TRIM66: variants seen among roughly 807,000 people sequenced by gnomAD.
TRIM66 encodes the protein tripartite motif-containing protein 66.
TRIM66 carries 99 observed loss-of-function variants against 148.2 expected under a neutral mutation model. That is an observed-to-expected ratio of 0.67 (90% CI 0.57 to 0.79). TRIM66 has a LOEUF of 0.79. TRIM66 is among the 30% of genes least tolerant of loss of function. The pLI is 0.00. For synonymous variants in TRIM66, 616 were observed against 635.9 expected, an observed-to-expected ratio of 0.97 and a Z score of 0.47; for missense variants, 1,666 against 1,697.9, an observed-to-expected ratio of 0.98 and a Z score of 0.33.
At position 8,617,072 on chromosome 11, in the gene TRIM66, G is replaced by A. The variant is rs1438642912; in HGVS notation, c.*872C>T. On this transcript the variant is annotated 3_prime_UTR_variant, in exon 25 of 25. Transcript: ENST00000646038. ...CTCACGATCCATACCTCTGAATGAG[G>A]ATGATGAAGGGTATGGCCACTGACA... is the stretch of plus-strand genomic sequence containing the variant. 1 of 152,230 alleles carries A rather than the reference G, an allele frequency of 6.6e-6. No individual in the cohort carries two copies. The highest frequency in any genetic ancestry group is 1.5e-5 in the Non-Finnish European group (1 of 68,080). 9.4% of individuals were successfully genotyped at this position (152,230 alleles called of 1,614,324 possible). A position where few individuals can be genotyped will look rare whatever the true frequency, so the allele number is the denominator to read the frequency against.
chr11:8,646,152 T>C (rs1474746435), intron 11 of TRIM66, among the ~76,000 whole-genome samples: 2 of 152,148 alleles, frequency 1.3e-5, no homozygotes, highest in East Asian at 3.9e-4. Context: ...TGGGCATAAA[T>C]TGGTGAAGAA....
intron 6 of TRIM66, among the ~76,000 whole-genome samples, chr11:8,655,116 T>C (rs2037708969): frequency 6.6e-6 from 1 of 152,068 alleles, no homozygotes; most frequent in Non-Finnish European, 1.5e-5. Context: ...CACCTCAGCC[T>C]CCTAAAGTGC....
rs1409604508 is a variant in TRIM66, at chr11:8,621,765, G to C, written c.3135C>G (p.Ile1045Met). 8.4e-6 allele frequency: 13 copies of C among 1,551,200 alleles called. No homozygotes were observed. The highest frequency in any genetic ancestry group is 2.0e-5 in the Admixed American group (1 of 50,882). Residue 1045 changes from isoleucine to methionine, a missense_variant, in exon 19 of 25, where the codon ATC becomes ATG. Physicochemically the swap from Ile to Met is conservative, Grantham distance 10. This residue lies in a region of TRIM66 where 1,431 missense variants were observed against 1,412.4 expected (regional missense o/e 1.01). Coordinates refer to ENST00000646038, the MANE Select transcript of TRIM66 (RefSeq NM_001388022.1). Reference protein sequence around the residue: ...IPYVRLERLKICAASSGEMPV... With the variant: ...IPYVRLERLKMCAASSGEMPV... The stretch of plus-strand genomic sequence containing the variant: ...GCATCTCTCCTGAGGAGGCAGCACA[G>C]ATCTTGAGTCGCTCCAGTCGCACAT...
chr11:8,681,443 A>G (rs899484731), intron 1 of TRIM66, among the ~76,000 whole-genome samples: 2 of 152,142 alleles, frequency 1.3e-5, no homozygotes, highest in African/African-American at 4.8e-5. Context: ...AGAATTTTGG[A>G]TATTTTAGCT....
rs1174847058 is a variant in TRIM66 at position 8,640,340 on chromosome 11, GT to G, written c.2034del (p.Gln678HisfsTer2). On this transcript the variant is annotated frameshift_variant, in exon 14 of 25. Coordinates refer to ENST00000646038, the MANE Select transcript of TRIM66 (RefSeq NM_001388022.1). LOFTEE classifies it high-confidence loss of function. The part of the protein sequence containing the change: ...LLLQAQQPSL[Q>X]LSQTKSPQHL... ...TGCTGAGGAGATTTGGTCTGACTCA[GT>G]TGCAGGCTGGGCTGTTGAGCCTGGA... 1.3e-6 allele frequency: 2 copies of G among 1,551,696 alleles called. No homozygotes were observed. Among genetic ancestry groups the G allele is most frequent in the Non-Finnish European group, 1.7e-6 (2 of 1,147,046 alleles).
intron 1 of TRIM66, 109 bp downstream of exon 1, chr11:8,682,492 G>A (rs10840109): frequency 0.096 from 43,526 of 452,718 alleles, 2,482 homozygotes; most frequent in African/African-American, 0.17. Flanking sequence ...TGACCAAGGC[G>A]CCAGAAAAGG....
Position 8,640,996 on chromosome 11 carries a change from A to G in TRIM66, c.1379T>C (p.Val460Ala), listed in dbSNP as rs1220095040. The change falls in exon 14 of 25, where the codon GTG becomes GCG. Residue 460 changes from valine to alanine, a missense_variant. Physicochemically the swap from Val to Ala is moderately conservative, Grantham distance 64. Around this residue, in one of 3 missense-constraint regions of TRIM66, gnomAD observed 1,431 missense variants for 1,412.4 expected, o/e 1.01. Coordinates refer to ENST00000646038, the MANE Select transcript of TRIM66 (RefSeq NM_001388022.1). ...GGAGCAGCACACAGATGAGGAGCACACTGCTGGAGACTGGAACTTGTGTGA... is the reference window on the plus strand; with the variant it reads ...GGAGCAGCACACAGATGAGGAGCACGCTGCTGGAGACTGGAACTTGTGTGA... Reference protein sequence around the residue: ...HPSHKFQSPAVCSSSVCCSHC... With the variant: ...HPSHKFQSPAACSSSVCCSHC... 6.4e-7 allele frequency: 1 copy of G among 1,551,498 alleles called. No homozygotes were observed. The highest frequency in any genetic ancestry group is 2.4e-5 in the East Asian group (1 of 40,914).
chr11:8,625,673 C>A (rs1316370135), intron 15 of TRIM66, among the ~76,000 whole-genome samples: 1 of 152,176 alleles, frequency 6.6e-6, no homozygotes, highest in Non-Finnish European at 1.5e-5. Context: ...ACTATACCAC[C>A]AGTGGCTTCT....
rs1334889870 is a variant in TRIM66, at chr11:8,613,971, T to A, written c.*3973A>T. ...CTGCCAACTGTGAATCTGTCATGCA[T>A]AGCAGCCCAGGAGGTGGAAGCAGCA... On this transcript the variant is annotated 3_prime_UTR_variant, in exon 25 of 25. Coordinates refer to ENST00000646038, the MANE Select transcript of TRIM66 (RefSeq NM_001388022.1). The A allele has an allele frequency of 1.3e-5, 2 of 152,226 alleles. No homozygotes were observed. The highest frequency in any genetic ancestry group is 2.9e-5 in the Non-Finnish European group (2 of 68,072). The allele number at this position is 152,226 out of a possible 1,614,324, so 9.4% of individuals were successfully genotyped here.
chr11:8,626,228 TA>T (rs781769872), intron 15 of TRIM66, among the ~76,000 whole-genome samples: 1 of 151,814 alleles, frequency 6.6e-6, no homozygotes, highest in Non-Finnish European at 1.5e-5. Flanking sequence ...CCCTGCCCTT[TA>T]AAAAAAAGAC....
chr11:8,620,733 A>T (rs1017755696), intron 20 of TRIM66, among the ~76,000 whole-genome samples, 161 bp from the exon 21 acceptor site: 12 of 152,236 alleles, frequency 7.9e-5, no homozygotes, highest in African/African-American at 2.9e-4. Context: ...AATAACTCAG[A>T]ATTTTGTGAA....
chr11:8,639,702 A>G (rs868806117), intron 14 of TRIM66, among the ~76,000 whole-genome samples: 2 of 152,250 alleles, frequency 1.3e-5, no homozygotes, highest in African/African-American at 2.4e-5. Context: ...GATATGGTGC[A>G]TATAAAACAT....
rs2033604786 is a variant in TRIM66 at position 8,614,555 on chromosome 11, G to A, written c.*3389C>T. ...GCAGGGCAATTTTAGCAGTACTGAGGGATGGAGAAGAAGCCCAGGAAGGGG... is the reference window on the plus strand; with the variant it reads ...GCAGGGCAATTTTAGCAGTACTGAGAGATGGAGAAGAAGCCCAGGAAGGGG... On this transcript the variant is annotated 3_prime_UTR_variant, in exon 25 of 25. Transcript: ENST00000646038. 6.6e-6 allele frequency: 1 copy of A among 152,572 alleles called. No homozygotes were observed. Among genetic ancestry groups the A allele is most frequent in the African/African-American group, 2.4e-5 (1 of 41,400 alleles). The allele number at this position is 152,572 out of a possible 1,614,324, so 9.5% of individuals were successfully genotyped here.
At chr11:8,634,465 G>A (rs1240686999) in intron 15 of TRIM66, among the ~76,000 whole-genome samples, 2 of 152,302 alleles carry the variant, frequency 1.3e-5, no homozygotes, top group South Asian at 2.1e-4. Context: ...CACCACACCC[G>A]GCCAACTCCT....
intron 6 of TRIM66, among the ~76,000 whole-genome samples, chr11:8,656,810 C>T (rs1423056637): frequency 6.6e-6 from 1 of 152,194 alleles, no homozygotes; most frequent in Non-Finnish European, 1.5e-5. Flanking sequence ...TAAAAAGAGA[C>T]TCTAAGAAGT....
Position 8,618,807 on chromosome 11 carries a change from G to A in TRIM66, c.4062C>T (p.Phe1354=), listed in dbSNP as rs906956052. Reference sequence around the variant, plus strand: ...CCTCCTGCATGTAGGGAGGCCACGGGAAGCCCTGGGGAGTGGAACATCCAC... The same window carrying A: ...CCTCCTGCATGTAGGGAGGCCACGGAAAGCCCTGGGGAGTGGAACATCCAC... The part of the protein sequence containing the change: ...SESGCSTPQG[F]PWPPYMQEGI... The change falls in exon 24 of 25, where the codon TTC becomes TTT. Residue 1354 remains phenylalanine, a synonymous_variant. Coordinates refer to ENST00000646038, the MANE Select transcript of TRIM66 (RefSeq NM_001388022.1). 6.4e-7 allele frequency: 1 copy of A among 1,551,360 alleles called. No individual in the cohort carries two copies. Among genetic ancestry groups the A allele is most frequent in the Admixed American group, 2.0e-5 (1 of 50,978 alleles).
chr11:8,663,279 A>C (rs2038382586), intron 6 of TRIM66: 1 of 152,222 alleles, frequency 6.6e-6, no homozygotes, highest in Non-Finnish European at 1.5e-5. Context: ...CACTTGATCC[A>C]GCAATTCAAA....
rs2039291285 is a variant in TRIM66 at position 8,678,683 on chromosome 11, G to A, written c.-190+937C>T. Among the ~76,000 whole-genome samples the A allele has an allele frequency of 3.3e-5, 5 of 152,304 alleles. No individual in the cohort carries two copies. In the South Asian group the frequency reaches 1.0e-3, roughly 32 times the overall value. Reference sequence around the variant, plus strand: ...CTGCTTCTTCCCATCTTGATTAACAGTGCTCTACTTAAAAAAGAAAACGAA... The same window carrying A: ...CTGCTTCTTCCCATCTTGATTAACAATGCTCTACTTAAAAAAGAAAACGAA... On this transcript the variant is annotated intron_variant, in intron 3 of 24. Transcript: ENST00000646038.
rs1390689060 is a variant in TRIM66, at chr11:8,640,979, A to G, written c.1396T>C (p.Cys466Arg). ...GAGACTGGGGAGCAGTGGGAGCAGC[A>G]CACAGATGAGGAGCACACTGCTGGA... ...QSPAVCSSSV[C>R]CSHCSPVSPS... Residue 466 changes from cysteine to arginine, a missense_variant, in exon 14 of 25, where the codon TGC becomes CGC. Transcript: ENST00000646038. 2.6e-6 allele frequency: 4 copies of G among 1,551,328 alleles called. No homozygotes were observed. The highest frequency in any genetic ancestry group is 2.6e-6 in the Non-Finnish European group (3 of 1,146,978).
Sources: allele counts gnomAD v4.1 joint callset (sites outside exome capture counted in the v4.1 genomes callset), GRCh38; gene constraint gnomAD v4.1.1; regional missense constraint gnomAD v4.1.1; transcripts MANE v1.5; gene names NCBI Gene and HGNC (gene_info 2026-07-23, HGNC 2026-07-21).